The following CSTF3 variants were observed in gnomAD, a reference collection of about 807,000 sequenced individuals.
CSTF3 encodes the protein cleavage stimulation factor subunit 3, also known as CF-1 77 kDa subunit.
A neutral mutation model predicts 105.8 loss-of-function variants in CSTF3; 29 were observed. That is an observed-to-expected ratio of 0.27 (90% CI 0.20 to 0.37). CSTF3 has a LOEUF of 0.37. CSTF3 is among the 10% of genes least tolerant of loss of function. The pLI, the probability that CSTF3 is intolerant of heterozygous loss-of-function variation, is 1.00. For missense variants in CSTF3, 357 were observed against 879.3 expected, an observed-to-expected ratio of 0.41 and a Z score of 7.51; for synonymous variants, 252 against 281.9, an observed-to-expected ratio of 0.89 and a Z score of 1.06.
intron 17 of CSTF3, among the ~76,000 whole-genome samples, chr11:33,089,467 TAAAGTC>T (rs1484868574): frequency 2.6e-5 from 4 of 152,246 alleles, no homozygotes; most frequent in Admixed American, 1.3e-4. Flanking sequence ...TCATTTAGCT[TAAAGTC>T]AAAGTTTCTA....
At chr11:33,140,382 G>A (rs1192790598) in intron 3 of CSTF3, among the ~76,000 whole-genome samples, 5 of 151,814 alleles carry the variant, frequency 3.3e-5, no homozygotes, top group Admixed American at 3.3e-4. Flanking sequence ...TCCACATAAG[G>A]CACAATCTCT....
chr11:33,160,319 C>T lies in CSTF3; in HGVS notation c.27+980G>A, dbSNP rs940866456. Among the ~76,000 whole-genome samples, 3 of 152,176 alleles carry T rather than the reference C, an allele frequency of 2.0e-5. No homozygotes were observed. In the East Asian group the frequency reaches 5.8e-4, roughly 29 times the overall value. On this transcript the variant is annotated intron_variant, in intron 1 of 20. Coordinates refer to ENST00000323959, the MANE Select transcript of CSTF3 (RefSeq NM_001326.3). ...ATAGAACGCTCCTATTTTGCCTCATCTCTGCCAACCTCCAATAACATCTTC... is the reference window on the plus strand; with the variant it reads ...ATAGAACGCTCCTATTTTGCCTCATTTCTGCCAACCTCCAATAACATCTTC...
Position 33,161,424 on chromosome 11 carries a change from T to C in CSTF3, c.-99A>G, listed in dbSNP as rs978853464. On this transcript the variant is annotated 5_prime_UTR_variant, in exon 1 of 21. Coordinates refer to ENST00000323959, the MANE Select transcript of CSTF3 (RefSeq NM_001326.3). Reference sequence around the variant, plus strand: ...CCCCCAAATCAGTAAAGTTACCCCCTGCCCAGCTGAGCCAGACCGCCAACA... The same window carrying C: ...CCCCCAAATCAGTAAAGTTACCCCCCGCCCAGCTGAGCCAGACCGCCAACA... The C allele has an allele frequency of 6.0e-6, 8 of 1,343,820 alleles. No individual in the cohort carries two copies. The highest frequency in any genetic ancestry group is 3.5e-5 in the South Asian group (3 of 84,810). The allele number at this position is 1,343,820 out of a possible 1,614,324, so 83.2% of individuals were successfully genotyped here. A position where few individuals can be genotyped will look rare whatever the true frequency, so the allele number is the denominator to read the frequency against.
At position 33,099,465 on chromosome 11, in the gene CSTF3, G is replaced by A. The variant is rs1590265347; in HGVS notation, c.936+143C>T. The A allele has an allele frequency of 6.2e-6, 4 of 649,780 alleles. No homozygotes were observed. Among genetic ancestry groups the A allele is most frequent in the East Asian group, 3.1e-5 (1 of 31,928 alleles). 40.3% of individuals were successfully genotyped at this position (649,780 alleles called of 1,614,324 possible). ...ATTCTAAGGAGGTCTAATTATATGA[G>A]TGTCACTAAGATTCATATGAACGTA... On this transcript the variant is annotated intron_variant, in intron 11 of 20. Coordinates refer to ENST00000323959, the MANE Select transcript of CSTF3 (RefSeq NM_001326.3). This position sits in a 1 kb window ranked among gnomAD's most constrained non-coding sequence, Gnocchi z 4.1.
At chr11:33,140,520 T>C (rs528425479) in intron 3 of CSTF3, among the ~76,000 whole-genome samples, 11 of 152,194 alleles carry the variant, frequency 7.2e-5, no homozygotes, top group Admixed American at 5.2e-4. Context: ...ATCTAAACTA[T>C]AGCACAAATA....
chr11:33,118,549 C>G (rs1357289505), intron 3 of CSTF3, among the ~76,000 whole-genome samples: 1 of 151,800 alleles, frequency 6.6e-6, no homozygotes, highest in Non-Finnish European at 1.5e-5. Context: ...ATCAAAATCA[C>G]TAGTTAACAT....
At chr11:33,105,437 A>G (rs1565005904) in intron 8 of CSTF3, 130 bp downstream of exon 8, 3 of 877,242 alleles carry the variant, frequency 3.4e-6, no homozygotes, top group Non-Finnish European at 5.1e-6. Context: ...CAAAAACATT[A>G]TAGTGCTTTC....
At position 33,093,689 on chromosome 11, in the gene CSTF3, C is replaced by T. The variant is rs371258214; in HGVS notation, c.1376-1349G>A. On this transcript the variant is annotated intron_variant, in intron 15 of 20. Transcript: ENST00000323959. ...ATGTATTTACACACTTACACCACAA[C>T]TCATTTTGGCCTAGTCACATTTCTT... Among the ~76,000 whole-genome samples, 15 of 151,936 alleles carry T rather than the reference C, an allele frequency of 9.9e-5. No individual in the cohort carries two copies. In the East Asian group the frequency reaches 1.9e-3, roughly 19 times the overall value.
chr11:33,108,793 C>T (rs1461850736), intron 3 of CSTF3, among the ~76,000 whole-genome samples: 4 of 152,048 alleles, frequency 2.6e-5, no homozygotes, highest in Admixed American at 6.6e-5. Flanking sequence ...ACAATCTGAG[C>T]GGCAAAAAAG....
intron 1 of CSTF3, among the ~76,000 whole-genome samples, chr11:33,152,538 T>A (rs983539241): frequency 6.6e-6 from 1 of 152,208 alleles, no homozygotes; most frequent in Non-Finnish European, 1.5e-5. Flanking sequence ...CTTTCCATGT[T>A]TAACCGTCTG....
chr11:33,102,193 G>A lies in CSTF3; in HGVS notation c.810C>T (p.Thr270=). 1.2e-6 allele frequency: 2 copies of A among 1,613,632 alleles called. No individual in the cohort carries two copies. The highest frequency in any genetic ancestry group is 1.7e-6 in the Non-Finnish European group (2 of 1,179,776). ...KSNPLRTEDQ[T]LITKRVMFAY... ...TCATGTTACCTCTTTTTGTTATAAG[G>A]GTCTGATCCTCTGTACGAAGAGGGT... The change falls in exon 10 of 21, where the codon ACC becomes ACT. Residue 270 remains threonine, a synonymous_variant. Coordinates refer to ENST00000323959, the MANE Select transcript of CSTF3 (RefSeq NM_001326.3).
At position 33,085,186 on chromosome 11, in the gene CSTF3, T is replaced by C; in HGVS notation, c.2055A>G (p.Lys685=). The change falls in exon 21 of 21, where the codon AAA becomes AAG. Residue 685 remains lysine, a synonymous_variant. Coordinates refer to ENST00000323959, the MANE Select transcript of CSTF3 (RefSeq NM_001326.3). ...ESNAVLTKAV[K]RPNEDSDEDE... ...CTTCATCTGAATCCTCGTTGGGCCT[T>C]TTGACGGCCTTGGTGAGTACTGCAT... is the stretch of plus-strand genomic sequence containing the variant. 1 of 1,614,134 alleles carries C rather than the reference T, an allele frequency of 6.2e-7. No individual in the cohort carries two copies. Among genetic ancestry groups the C allele is most frequent in the Non-Finnish European group, 8.5e-7 (1 of 1,180,012 alleles).
chr11:33,128,319 T>C (rs898902652), intron 3 of CSTF3, among the ~76,000 whole-genome samples: 1 of 152,064 alleles, frequency 6.6e-6, no homozygotes, highest in African/African-American at 2.4e-5. Context: ...CTTAATTGTA[T>C]TAGTTTCTCA....
intron 3 of CSTF3, among the ~76,000 whole-genome samples, chr11:33,121,252 C>A (rs550914911): frequency 6.6e-6 from 1 of 151,858 alleles, no homozygotes; most frequent in African/African-American, 2.4e-5. Context: ...AAGATTTAGA[C>A]GTGAATTTCT....
chr11:33,096,136 G>T (rs964655611), intron 15 of CSTF3, among the ~76,000 whole-genome samples, 170 bp downstream of exon 15: 1 of 152,150 alleles, frequency 6.6e-6, no homozygotes, highest in African/African-American at 2.4e-5. Context: ...ATCTACCATT[G>T]CTCAGTAAAT....
chr11:33,085,441 CT>C (rs1855095333), intron 20 of CSTF3, 152 bp from the exon 21 acceptor site: 1 of 714,866 alleles, frequency 1.4e-6, no homozygotes, highest in African/African-American at 1.8e-5. Flanking sequence ...AAGACAAAAG[CT>C]GCTGTTAAAA....
intron 3 of CSTF3, among the ~76,000 whole-genome samples, chr11:33,138,235 T>C (rs1182166856): frequency 6.6e-6 from 1 of 151,764 alleles, no homozygotes; most frequent in Non-Finnish European, 1.5e-5. Context: ...AAAAACATGC[T>C]TCAGTAAAAA....
chr11:33,144,606 T>C (rs1855756579), intron 1 of CSTF3, among the ~76,000 whole-genome samples: 1 of 152,250 alleles, frequency 6.6e-6, no homozygotes, highest in Non-Finnish European at 1.5e-5. Flanking sequence ...ATTCCTACTT[T>C]ACTCTTTCTG....
intron 3 of CSTF3, among the ~76,000 whole-genome samples, chr11:33,126,597 A>T (rs914284433): frequency 3.9e-5 from 6 of 152,232 alleles, no homozygotes; most frequent in Non-Finnish European, 1.5e-5. Flanking sequence ...CTAAAAATAA[A>T]GACATTTTTT....
Sources: allele counts gnomAD v4.1 joint callset (sites outside exome capture counted in the v4.1 genomes callset), GRCh38; gene constraint gnomAD v4.1.1; non-coding constraint Gnocchi (gnomAD v3.1); transcripts MANE v1.5; gene names NCBI Gene and HGNC (gene_info 2026-07-23, HGNC 2026-07-21).